Variants in RAP1GDS1 observed in about 807,000 individuals in gnomAD.
The protein encoded by RAP1GDS1 is Rap1 GTPase-GDP dissociation stimulator 1.
Under a neutral mutation model 71.1 loss-of-function variants are expected in RAP1GDS1, and 35 were observed. The observed-to-expected ratio is 0.49, with a 90% confidence interval of 0.38 to 0.65. The LOEUF (loss-of-function observed/expected upper bound fraction) is 0.65, where lower values mean the gene tolerates loss of function less well. Ranked by LOEUF, RAP1GDS1 falls within the 30% of genes least tolerant of loss-of-function variation. RAP1GDS1 has a pLI of 0.00. For missense variants in RAP1GDS1, 663 were observed against 706.1 expected (o/e 0.94, Z 0.69); for synonymous variants, 229 against 243.1 (o/e 0.94, Z 0.54).
chr4:98,375,824 A>T (rs1455411607), intron 4 of RAP1GDS1, among the ~76,000 whole-genome samples: 2 of 152,176 alleles, frequency 1.3e-5, no homozygotes, highest in African/African-American at 4.8e-5. Flanking sequence ...GAGGAAACGT[A>T]GTAAAATCCA....
chr4:98,289,929 T>TAATC (rs1726679877), intron 1 of RAP1GDS1, among the ~76,000 whole-genome samples: 1 of 151,972 alleles, frequency 6.6e-6, no homozygotes, highest in Non-Finnish European at 1.5e-5. Context: ...TTGATGTGGA[T>TAATC]AGTGATGCTT....
At chr4:98,365,343 C>T (rs1329254712) in intron 4 of RAP1GDS1, among the ~76,000 whole-genome samples, 4 of 151,838 alleles carry the variant, frequency 2.6e-5, no homozygotes, top group Non-Finnish European at 5.9e-5. Flanking sequence ...AGCCAGGCAT[C>T]ATGGCTCACA....
intron 11 of RAP1GDS1, 132 bp from the exon 12 acceptor site, chr4:98,421,123 T>C: frequency 2.0e-6 from 2 of 991,754 alleles, no homozygotes; most frequent in Non-Finnish European, 2.8e-6. Flanking sequence ...AAGGAATATT[T>C]GCAGTTCTAG....
chr4:98,394,329 A>C (rs1744195284), intron 6 of RAP1GDS1, among the ~76,000 whole-genome samples: 1 of 152,190 alleles, frequency 6.6e-6, no homozygotes, highest in African/African-American at 2.4e-5. Flanking sequence ...AATGAGAGTC[A>C]AGGAAAAGTA....
chr4:98,378,953 T>C, intron 4 of RAP1GDS1, 64 bp from the exon 5 acceptor site: 1 of 1,372,296 alleles, frequency 7.3e-7, no homozygotes, highest in Non-Finnish European at 9.9e-7. Flanking sequence ...TTATGTTTTG[T>C]ATTTGAAATT....
At chr4:98,432,089 C>G (rs529295316) in intron 12 of RAP1GDS1, among the ~76,000 whole-genome samples, 1 of 152,134 alleles carries the variant, frequency 6.6e-6, no homozygotes, top group Non-Finnish European at 1.5e-5. Flanking sequence ...CCGCTCCCCC[C>G]ATCCCACGAC....
Position 98,310,842 on chromosome 4 carries a change from AAACTT to A in RAP1GDS1, c.112+17330_112+17334del, listed in dbSNP as rs531651377. On this transcript the variant is annotated intron_variant, in intron 2 of 14. Coordinates refer to ENST00000408927, the MANE Select transcript of RAP1GDS1 (RefSeq NM_001100427.2). ...AAAGATTTAATTTTTATATTGATCAAAACTTAATTTTATCTGTTTCTTTTTACCTT... is the reference window on the plus strand; with the variant it reads ...AAAGATTTAATTTTTATATTGATCAAAATTTTATCTGTTTCTTTTTACCTT... Among the ~76,000 whole-genome samples, 33 of 152,354 alleles carry A rather than the reference AAACTT, an allele frequency of 2.2e-4. No homozygotes were observed. In the East Asian group the frequency reaches 6.2e-3, roughly 28 times the overall value.
rs553747462 is a variant in RAP1GDS1 at position 98,441,045 on chromosome 4, G to T, written c.1697-945G>T. Among the ~76,000 whole-genome samples the T allele has an allele frequency of 7.2e-5, 11 of 152,328 alleles. No homozygotes were observed. The East Asian group carries it at 1.7e-3, about 24-fold the overall frequency. ...CCACTATCTTGATTATTGTAGCTTT[G>T]TAGTAAGTTTTGATATCAGTTAGTA... On this transcript the variant is annotated intron_variant, in intron 14 of 14. Transcript: ENST00000408927.
Position 98,421,330 on chromosome 4 carries a change from A to G in RAP1GDS1, c.1376A>G (p.His459Arg), listed in dbSNP as rs1326774648. 2.5e-6 allele frequency: 4 copies of G among 1,612,110 alleles called. No homozygotes were observed. Among genetic ancestry groups the G allele is most frequent in the Admixed American group, 3.3e-5 (2 of 59,898 alleles). Residue 459 changes from histidine to arginine, a missense_variant, in exon 12 of 15, where the codon CAT becomes CGT. By Grantham distance (29) the His-to-Arg change is conservative. Transcript: ENST00000408927. ...GTGGAATGGTGTGAAGCCAAAGATC[A>G]TGCTGGTGTGATGGGGGAGTCAAAC... ...RLVEWCEAKDHAGVMGESNRL... is the reference protein window; with the variant it reads ...RLVEWCEAKDRAGVMGESNRL...
intron 2 of RAP1GDS1, among the ~76,000 whole-genome samples, chr4:98,342,535 TTTCTG>T (rs1386624184): frequency 6.6e-6 from 1 of 152,180 alleles, no homozygotes; most frequent in Non-Finnish European, 1.5e-5. Flanking sequence ...GCCTCTTGAA[TTTCTG>T]TATCACCAAA....
At chr4:98,373,742 C>T (rs1356286570) in intron 4 of RAP1GDS1, among the ~76,000 whole-genome samples, 2 of 152,242 alleles carry the variant, frequency 1.3e-5, no homozygotes, top group East Asian at 1.9e-4. Context: ...TAAAGTTAAA[C>T]CATGAATTAG....
chr4:98,309,366 TG>T (rs35355245), intron 2 of RAP1GDS1, among the ~76,000 whole-genome samples: 1 of 152,024 alleles, frequency 6.6e-6, no homozygotes, highest in African/African-American at 2.4e-5. Context: ...TATTACACCA[TG>T]GGAATTTGTT....
chr4:98,434,007 A>G lies in RAP1GDS1; in HGVS notation c.1512A>G (p.Val504=). The G allele has an allele frequency of 6.2e-7, 1 of 1,613,858 alleles. No individual in the cohort carries two copies. ...TTACCATGGCAACTAGTGAACATGT[A>G]ATAATGCAGAATGAAGCTCTTGTTG... The part of the protein sequence containing the change: ...HLVTMATSEH[V]IMQNEALVAL... Residue 504 remains valine (V), a synonymous_variant, in exon 13 of 15, where the codon GTA becomes GTG. Transcript: ENST00000408927.
At chr4:98,415,616 T>C (rs1421370662) in intron 7 of RAP1GDS1, among the ~76,000 whole-genome samples, 2 of 152,164 alleles carry the variant, frequency 1.3e-5, no homozygotes, top group African/African-American at 4.8e-5. Context: ...ATAAGTGTTA[T>C]AATGAAAGAA....
chr4:98,312,052 A>G lies in RAP1GDS1; in HGVS notation c.112+18537A>G, dbSNP rs191504351. Among the ~76,000 whole-genome samples the G allele has an allele frequency of 1.5e-4, 23 of 152,340 alleles. No individual in the cohort carries two copies. The East Asian group carries it at 4.2e-3, about 28-fold the overall frequency. On this transcript the variant is annotated intron_variant, in intron 2 of 14. Coordinates refer to ENST00000408927, the MANE Select transcript of RAP1GDS1 (RefSeq NM_001100427.2). ...GGAGGAAGAAGATAGAGGATGGTAA[A>G]TAATGGAAAGCAGTGAGGAGATAGA...
intron 2 of RAP1GDS1, among the ~76,000 whole-genome samples, chr4:98,325,918 A>AT (rs1226628638): frequency 6.4e-5 from 3 of 46,976 alleles, no homozygotes; most frequent in African/African-American, 1.0e-4. Flanking sequence ...AACTTAAAGT[A>AT]TTAAAAAAAA....
chr4:98,270,286 A>G (rs1185726734), intron 1 of RAP1GDS1, among the ~76,000 whole-genome samples: 1 of 152,178 alleles, frequency 6.6e-6, no homozygotes, highest in Non-Finnish European at 1.5e-5. Context: ...TTCAAACCAT[A>G]TAGTTATAAA....
intron 4 of RAP1GDS1, among the ~76,000 whole-genome samples, chr4:98,361,678 A>G (rs1738775447): frequency 6.6e-6 from 1 of 152,204 alleles, no homozygotes; most frequent in Admixed American, 6.5e-5. Flanking sequence ...GCTGGGCCAT[A>G]ACCTCATTTT....
intron 4 of RAP1GDS1, among the ~76,000 whole-genome samples, chr4:98,367,657 C>T (rs567575069): frequency 2.0e-5 from 3 of 152,320 alleles, no homozygotes; most frequent in South Asian, 2.1e-4. Flanking sequence ...CTTGCATCAG[C>T]GTGACTTGGA....
Sources: gnomAD v4.1 joint callset for allele counts (sites outside exome capture counted in the v4.1 genomes callset) on GRCh38, gnomAD v4.1.1 for gene constraint, MANE v1.5 for transcripts, NCBI Gene and HGNC (gene_info 2026-07-23, HGNC 2026-07-21) for gene names.